Variants in SPIRE1 observed in about 807,000 individuals in gnomAD.
The protein encoded by SPIRE1 is spire type actin nucleation factor 1.
SPIRE1 carries 40 observed loss-of-function variants against 94.1 expected under a neutral mutation model. That is an observed-to-expected ratio of 0.43 (90% CI 0.33 to 0.55). The LOEUF is 0.55. SPIRE1 is among the 20% of genes least tolerant of loss of function. The pLI is 0.06. For missense variants in SPIRE1, 838 were observed against 975.2 expected (o/e 0.86, Z 1.87); for synonymous variants, 376 against 371.7 (o/e 1.01, Z -0.13).
intron 2 of SPIRE1, among the ~76,000 whole-genome samples, chr18:12,550,831 G>A (rs1179636301): frequency 6.6e-6 from 1 of 152,088 alleles, no homozygotes; most frequent in African/African-American, 2.4e-5. Flanking sequence ...CAACACAAGT[G>A]ACTCACTTCT....
chr18:12,657,520 G>T lies in SPIRE1; in HGVS notation c.337+10C>A, dbSNP rs2144922148. 2 of 1,230,444 alleles carry T rather than the reference G, an allele frequency of 1.6e-6. No homozygotes were observed. Among genetic ancestry groups the T allele is most frequent in the South Asian group, 7.7e-5 (2 of 25,818 alleles). The allele number at this position is 1,230,444 out of a possible 1,614,324, so 76.2% of individuals were successfully genotyped here. A position where few individuals can be genotyped will look rare whatever the true frequency, so the allele number is the denominator to read the frequency against. On this transcript the variant is annotated intron_variant, in intron 1 of 16. Transcript: ENST00000409402. Reference sequence around the variant, plus strand: ...AAGAACTACGAGGGAAAGGGGCCCGGCGGCCTCACCCGCAACTGGGGGCGG... The same window carrying T: ...AAGAACTACGAGGGAAAGGGGCCCGTCGGCCTCACCCGCAACTGGGGGCGG...
chr18:12,656,346 A>G (rs1199080760), intron 1 of SPIRE1, among the ~76,000 whole-genome samples: 1 of 152,258 alleles, frequency 6.6e-6, no homozygotes, highest in Non-Finnish European at 1.5e-5. Flanking sequence ...ATAGTTTCAA[A>G]AGAACAATTA....
At chr18:12,649,096 T>C (rs2038305076) in intron 1 of SPIRE1, among the ~76,000 whole-genome samples, 1 of 152,196 alleles carries the variant, frequency 6.6e-6, no homozygotes, top group East Asian at 1.9e-4. Flanking sequence ...TCAACTTTTC[T>C]GTAAATCTAA....
intron 4 of SPIRE1, chr18:12,516,289 C>T (rs2034193594): frequency 6.6e-6 from 1 of 152,222 alleles, no homozygotes; most frequent in Non-Finnish European, 1.5e-5. Flanking sequence ...CTAGACCAGC[C>T]AGCACAGCCT....
rs111406041 is a variant in SPIRE1, at chr18:12,612,632, C to T, written c.372+22430G>A. Reference sequence around the variant, plus strand: ...AATCAGAATCTAAATTTAACAAGATCTCTAGGAAATTTGTATGCATATTAA... The same window carrying T: ...AATCAGAATCTAAATTTAACAAGATTTCTAGGAAATTTGTATGCATATTAA... On this transcript the variant is annotated intron_variant, in intron 2 of 16. Coordinates refer to ENST00000409402, the MANE Select transcript of SPIRE1 (RefSeq NM_001128626.2). 2.4e-3 allele frequency among the ~76,000 whole-genome samples: 364 copies of T among 152,330 alleles called. 3 individuals carry two copies. Among genetic ancestry groups the T allele is most frequent in the South Asian group, 0.014 (68 of 4,826 alleles).
intron 2 of SPIRE1, among the ~76,000 whole-genome samples, chr18:12,587,484 T>A (rs970046595): frequency 8.6e-5 from 13 of 151,264 alleles, no homozygotes; most frequent in African/African-American, 3.1e-4. Flanking sequence ...AAAGGCTGGA[T>A]CAACTGGCCC....
At chr18:12,626,988 TTGAC>T (rs966039111) in intron 2 of SPIRE1, among the ~76,000 whole-genome samples, 4 of 151,346 alleles carry the variant, frequency 2.6e-5, no homozygotes, top group Non-Finnish European at 5.9e-5. Context: ...ACAAAATTTT[TTGAC>T]TGAGAGTAAT....
chr18:12,530,247 A>G (rs1216442786), intron 4 of SPIRE1, among the ~76,000 whole-genome samples: 1 of 152,234 alleles, frequency 6.6e-6, no homozygotes, highest in Non-Finnish European at 1.5e-5. Context: ...ACGTAAGACT[A>G]ATAACAAAAA....
At position 12,448,659 on chromosome 18, in the gene SPIRE1, G is replaced by T. The variant is rs1460873435; in HGVS notation, c.*979C>A. 2.0e-5 allele frequency: 3 copies of T among 152,136 alleles called. No individual in the cohort carries two copies. Among genetic ancestry groups the T allele is most frequent in the African/African-American group, 7.2e-5 (3 of 41,432 alleles). The allele number at this position is 152,136 out of a possible 1,614,324, so 9.4% of individuals were successfully genotyped here. A position where few individuals can be genotyped will look rare whatever the true frequency, so the allele number is the denominator to read the frequency against. Reference sequence around the variant, plus strand: ...AATTCATTTATAAAAATAAATTTTAGTTTGAGACCCTAGGTACCAAATTGT... The same window carrying T: ...AATTCATTTATAAAAATAAATTTTATTTTGAGACCCTAGGTACCAAATTGT... On this transcript the variant is annotated 3_prime_UTR_variant, in exon 17 of 17. Coordinates refer to ENST00000409402, the MANE Select transcript of SPIRE1 (RefSeq NM_001128626.2). This position sits in a 1 kb window ranked among gnomAD's most constrained non-coding sequence, Gnocchi z 4.4.
Position 12,449,991 on chromosome 18 carries a change from A to C in SPIRE1, c.2013-95T>G. ...TATAAAAAAAAGTAAATTTGTTGTC[A>C]AAACATCATGGAATGGATGAGTGAT... On this transcript the variant is annotated intron_variant, in intron 16 of 16. Transcript: ENST00000409402. 5 of 1,287,288 alleles carry C rather than the reference A, an allele frequency of 3.9e-6. No individual in the cohort carries two copies. In the South Asian group the frequency reaches 7.4e-5, roughly 19 times the overall value. 79.7% of individuals were successfully genotyped at this position (1,287,288 alleles called of 1,614,324 possible). A position where few individuals can be genotyped will look rare whatever the true frequency, so the allele number is the denominator to read the frequency against.
At chr18:12,642,972 A>G (rs1381792838) in intron 1 of SPIRE1, among the ~76,000 whole-genome samples, 1 of 152,176 alleles carries the variant, frequency 6.6e-6, no homozygotes, top group Non-Finnish European at 1.5e-5. Flanking sequence ...GGAATAGAAG[A>G]CATAATATTT....
intron 6 of SPIRE1, among the ~76,000 whole-genome samples, chr18:12,506,250 T>C (rs952027640): frequency 1.3e-5 from 2 of 152,106 alleles, no homozygotes; most frequent in Admixed American, 6.6e-5. Context: ...CTCCACCTCC[T>C]GGGTTCAAGC....
intron 4 of SPIRE1, among the ~76,000 whole-genome samples, chr18:12,531,895 C>A (rs533568654): frequency 2.0e-5 from 3 of 152,190 alleles, no homozygotes; most frequent in Admixed American, 1.3e-4. Context: ...TCACCAGCTA[C>A]CCCTGCAGTA....
chr18:12,448,096 C>T lies in SPIRE1; in HGVS notation c.*1542G>A, dbSNP rs2031033671. ...ACTTTTACATGCAAATACAGACCAA[C>T]TGTTAACATGCATTATTTTAGTCAA... On this transcript the variant is annotated 3_prime_UTR_variant, in exon 17 of 17. Coordinates refer to ENST00000409402, the MANE Select transcript of SPIRE1 (RefSeq NM_001128626.2). The surrounding 1 kb of genome is among the most constrained non-coding windows in gnomAD (Gnocchi z 4.4). The T allele has an allele frequency of 6.6e-6, 1 of 152,552 alleles. No individual in the cohort carries two copies. The highest frequency in any genetic ancestry group is 1.5e-5 in the Non-Finnish European group (1 of 68,034). The allele number at this position is 152,552 out of a possible 1,614,324, so 9.4% of individuals were successfully genotyped here.
At chr18:12,545,357 T>C (rs901965990) in intron 3 of SPIRE1, among the ~76,000 whole-genome samples, 4 of 152,196 alleles carry the variant, frequency 2.6e-5, no homozygotes, top group African/African-American at 9.7e-5. Flanking sequence ...TGTATAGTTC[T>C]TTCCAGAGTC....
chr18:12,637,739 A>T (rs1189405853), intron 1 of SPIRE1, among the ~76,000 whole-genome samples: 1 of 152,236 alleles, frequency 6.6e-6, no homozygotes, highest in Non-Finnish European at 1.5e-5. Context: ...TTCCTTGGGA[A>T]ATTGGCTGAT....
chr18:12,614,896 C>G (rs1044421492), intron 2 of SPIRE1, among the ~76,000 whole-genome samples: 1 of 150,838 alleles, frequency 6.6e-6, no homozygotes, highest in African/African-American at 2.4e-5. Flanking sequence ...ACATAAAATC[C>G]AAAATTTTAT....
At chr18:12,579,200 T>TACACACACACACACACACACAC (rs60826359) in intron 2 of SPIRE1, among the ~76,000 whole-genome samples, 1 of 119,002 alleles carries the variant, frequency 8.4e-6, no homozygotes, top group Non-Finnish European at 2.0e-5. Flanking sequence ...CACACACACA[T>TACACACACACACACACACACAC]ACACACACAC....
At chr18:12,549,943 A>C (rs2144308893) in intron 2 of SPIRE1, among the ~76,000 whole-genome samples, 1 of 152,282 alleles carries the variant, frequency 6.6e-6, no homozygotes, top group Non-Finnish European at 1.5e-5. Flanking sequence ...TGCCTACAGG[A>C]GCTGATCCAT....
Sources: allele counts gnomAD v4.1 joint callset (sites outside exome capture counted in the v4.1 genomes callset), GRCh38; gene constraint gnomAD v4.1.1; non-coding constraint Gnocchi (gnomAD v3.1); transcripts MANE v1.5; gene names NCBI Gene and HGNC (gene_info 2026-07-23, HGNC 2026-07-21).